NUSAP1: variants seen among roughly 807,000 people sequenced by gnomAD.
NUSAP1 encodes the protein nucleolar and spindle-associated protein 1.
In NUSAP1, 32 loss-of-function variants were observed where a neutral mutation model predicts 52.8. The ratio of observed to expected loss-of-function variants is 0.61; its 90% CI spans 0.46 to 0.81. The LOEUF is 0.81. NUSAP1 is among the 40% of genes least tolerant of loss of function. The probability of loss-of-function intolerance (pLI) is 0.00; values close to 1 mark genes in which losing one functional copy is unlikely to be tolerated. For synonymous variants in NUSAP1, 195 were observed against 183.1 expected (o/e 1.06, Z -0.52); for missense variants, 499 against 522.3 (o/e 0.96, Z 0.43).
chr15:41,365,807 G>A (rs1373428623), intron 7 of NUSAP1: 5 of 234,342 alleles, frequency 2.1e-5, no homozygotes, highest in South Asian at 1.6e-4. Flanking sequence ...TGCAACCTCC[G>A]CCTCCCAGGT....
chr15:41,333,131 G>C, intron 1 of NUSAP1, 81 bp downstream of exon 1: 2 of 1,083,686 alleles, frequency 1.8e-6, no homozygotes, highest in East Asian at 5.1e-5. Context: ...AAGGGACCGA[G>C]AGGGAAGCCC....
At chr15:41,337,931 CT>C (rs757341496) in intron 1 of NUSAP1, among the ~76,000 whole-genome samples, 21,422 of 110,608 alleles carry the variant, frequency 0.19, 794 homozygotes, top group Non-Finnish European at 0.21. Flanking sequence ...TTTCTTTTTT[CT>C]TTTTTTTTTT....
Position 41,335,307 on chromosome 15 carries a change from ATAC to A in NUSAP1, c.93+2260_93+2262del, listed in dbSNP as rs1457668620. 2.3e-3 allele frequency among the ~76,000 whole-genome samples: 329 copies of A among 145,618 alleles called. 1 individual carries two copies. The highest frequency in any genetic ancestry group is 7.8e-3 in the African/African-American group (312 of 40,176). On this transcript the variant is annotated intron_variant, in intron 1 of 10. Transcript: ENST00000559596. ...TTACTAGTATAAATATATAATATAT[ATAC>A]TAGTATATATAAATATACTAGGATA... is the stretch of plus-strand genomic sequence containing the variant.
intron 1 of NUSAP1, among the ~76,000 whole-genome samples, chr15:41,339,132 G>C (rs901010036): frequency 6.6e-6 from 1 of 152,120 alleles, no homozygotes; most frequent in African/African-American, 2.4e-5. Flanking sequence ...AAATTGGAGA[G>C]AAGGAAATTT....
rs985044865 is a variant in NUSAP1 at position 41,358,237 on chromosome 15, C to T, written c.639C>T (p.His213=). ...GAAAAAAGAAACATTTTGAAGAACA[C>T]AATTCCATGAATGAACTGAAGGTAT... is the stretch of plus-strand genomic sequence containing the variant. The part of the protein sequence containing the change: ...IERKKKHFEE[H]NSMNELKQQP... The change falls in exon 6 of 11, where the codon CAC becomes CAT. Residue 213 remains histidine (H), a synonymous_variant. Coordinates refer to ENST00000559596, the MANE Select transcript of NUSAP1 (RefSeq NM_016359.5). The T allele has an allele frequency of 6.7e-7, 1 of 1,502,416 alleles. No individual in the cohort carries two copies. The highest frequency in any genetic ancestry group is 9.2e-7 in the Non-Finnish European group (1 of 1,085,958). The allele number at this position is 1,502,416 out of a possible 1,614,324, so 93.1% of individuals were successfully genotyped here. A position where few individuals can be genotyped will look rare whatever the true frequency, so the allele number is the denominator to read the frequency against.
At position 41,365,428 on chromosome 15, in the gene NUSAP1, C is replaced by T. The variant is rs2140770181; in HGVS notation, c.687C>T (p.Val229=). 3.1e-6 allele frequency: 5 copies of T among 1,612,060 alleles called. No individual in the cohort carries two copies. The highest frequency in any genetic ancestry group is 4.2e-6 in the Non-Finnish European group (5 of 1,178,908). The change falls in exon 7 of 11, where the codon GTC becomes GTT. Residue 229 remains valine, a synonymous_variant. Transcript: ENST00000559596. The part of the protein sequence containing the change: ...LKQQPINKGG[V]RTPVPPRGRL... ...AGCAGCCCATCAATAAGGGAGGGGTCAGGACTCCAGTACCTCCAAGAGGAA... is the reference window on the plus strand; with the variant it reads ...AGCAGCCCATCAATAAGGGAGGGGTTAGGACTCCAGTACCTCCAAGAGGAA...
At chr15:41,346,061 G>A (rs1444913023) in intron 2 of NUSAP1, among the ~76,000 whole-genome samples, 1 of 149,152 alleles carries the variant, frequency 6.7e-6, no homozygotes, top group Non-Finnish European at 1.5e-5. Context: ...ATGGAGTCTT[G>A]CCCTGAGTAA....
chr15:41,378,956 T>TTTTGTTTTTTTTG (rs1566813642), intron 10 of NUSAP1, among the ~76,000 whole-genome samples: 1 of 109,634 alleles, frequency 9.1e-6, no homozygotes, highest in African/African-American at 3.7e-5. Flanking sequence ...TTTTTTTTTT[T>TTTTGTTTTTTTTG]TTTTTTTTTT....
At chr15:41,334,439 A>G (rs571791369) in intron 1 of NUSAP1, among the ~76,000 whole-genome samples, 7 of 152,084 alleles carry the variant, frequency 4.6e-5, no homozygotes, top group Non-Finnish European at 7.4e-5. Flanking sequence ...CAAAATAATC[A>G]GGGCCTAAGT....
At chr15:41,365,774 G>A (rs1038130768) in intron 7 of NUSAP1, 185 bp downstream of exon 7, 16 of 297,290 alleles carry the variant, frequency 5.4e-5, no homozygotes, top group Admixed American at 1.1e-4. Context: ...AGGCTGGAGT[G>A]CAGTGGCGCA....
chr15:41,335,725 ATATT>A (rs1477603336), intron 1 of NUSAP1, among the ~76,000 whole-genome samples: 1 of 143,632 alleles, frequency 7.0e-6, no homozygotes, highest in African/African-American at 2.5e-5. Flanking sequence ...TAAATATACT[ATATT>A]TATACCGGTA....
intron 2 of NUSAP1, 108 bp downstream of exon 2, chr15:41,342,562 GTGT>G (rs1567042412): frequency 2.3e-6 from 2 of 864,798 alleles, no homozygotes; most frequent in Non-Finnish European, 3.6e-6. Flanking sequence ...TGTTGGCCAG[GTGT>G]TGTGGCTCAC....
At chr15:41,376,499 A>T (rs2140869711) in intron 9 of NUSAP1, among the ~76,000 whole-genome samples, 1 of 150,898 alleles carries the variant, frequency 6.6e-6, no homozygotes, top group South Asian at 2.1e-4. Flanking sequence ...CATCCTGGCT[A>T]ACACATTGAA....
At chr15:41,340,878 C>G (rs1309739296) in intron 1 of NUSAP1, among the ~76,000 whole-genome samples, 1 of 152,156 alleles carries the variant, frequency 6.6e-6, no homozygotes, top group Middle Eastern at 3.2e-3. Context: ...GCACCACAAG[C>G]AAAAGCTTGA....
intron 7 of NUSAP1, among the ~76,000 whole-genome samples, chr15:41,368,360 A>G (rs1595590097): frequency 6.6e-6 from 1 of 152,188 alleles, no homozygotes; most frequent in East Asian, 1.9e-4. Flanking sequence ...CAAGATGCCT[A>G]AGGAGAAACT....
intron 2 of NUSAP1, among the ~76,000 whole-genome samples, chr15:41,347,590 C>T (rs773736274): frequency 2.6e-5 from 4 of 151,474 alleles, no homozygotes; most frequent in Non-Finnish European, 4.4e-5. Flanking sequence ...CTGAGGTGGG[C>T]GGATCACAAG....
intron 10 of NUSAP1, among the ~76,000 whole-genome samples, chr15:41,379,204 T>G (rs1184366376): frequency 1.3e-5 from 2 of 152,112 alleles, no homozygotes; most frequent in Non-Finnish European, 2.9e-5. Flanking sequence ...TCCACCCACC[T>G]TGGCCTCCCA....
chr15:41,365,669 T>A, intron 7 of NUSAP1, 80 bp downstream of exon 7: 2 of 1,021,100 alleles, frequency 2.0e-6, no homozygotes, highest in Non-Finnish European at 2.8e-6. Context: ...AATTGGCAAA[T>A]AATATTCGTA....
intron 7 of NUSAP1, among the ~76,000 whole-genome samples, chr15:41,366,163 A>G (rs2140779513): frequency 6.6e-6 from 1 of 152,056 alleles, no homozygotes; most frequent in South Asian, 2.1e-4. Flanking sequence ...TAATTTCACA[A>G]GGTCTCACTA....
Sources: gnomAD v4.1 joint callset for allele counts (sites outside exome capture counted in the v4.1 genomes callset) on GRCh38, gnomAD v4.1.1 for gene constraint, MANE v1.5 for transcripts, NCBI Gene and HGNC (gene_info 2026-07-23, HGNC 2026-07-21) for gene names.